Variants in DTNB observed in about 807,000 individuals in gnomAD.
The protein encoded by DTNB is DTN-B.
A neutral mutation model predicts 90.7 loss-of-function variants in DTNB; 63 were observed. The observed-to-expected ratio is 0.69, with a 90% confidence interval of 0.57 to 0.86. The LOEUF (loss-of-function observed/expected upper bound fraction) is 0.86, where lower values mean the gene tolerates loss of function less well. Among genes scored for constraint, DTNB ranks in the 40% least tolerant of loss-of-function variants. The pLI, the probability that DTNB is intolerant of heterozygous loss-of-function variation, is 0.00. For missense variants in DTNB, 744 were observed against 807.1 expected (o/e 0.92, Z 0.95); for synonymous variants, 277 against 286.7 (o/e 0.97, Z 0.34).
chr2:25,478,880 C>A (rs926497752), intron 10 of DTNB, among the ~76,000 whole-genome samples: 8 of 152,178 alleles, frequency 5.3e-5, no homozygotes, highest in Non-Finnish European at 1.0e-4. Context: ...GTGTCTGCAA[C>A]CATCGGCAGC....
At chr2:25,544,828 A>G (rs188599485) in intron 8 of DTNB, among the ~76,000 whole-genome samples, 95 of 152,292 alleles carry the variant, frequency 6.2e-4, no homozygotes, top group Middle Eastern at 6.8e-3. Context: ...ACATTTATCA[A>G]TTCCACTTTG....
At chr2:25,609,648 A>C in intron 4 of DTNB, among the ~76,000 whole-genome samples, 1 of 136,268 alleles carries the variant, frequency 7.3e-6, no homozygotes, top group Non-Finnish European at 1.5e-5. Context: ...ACATTTCCAT[A>C]ATAGAATGTA....
intron 11 of DTNB, among the ~76,000 whole-genome samples, chr2:25,453,480 A>AC (rs2059567432): frequency 1.3e-5 from 2 of 152,314 alleles, no homozygotes; most frequent in South Asian, 4.2e-4. Context: ...TCACTCACTC[A>AC]TCATGTTCTC....
chr2:25,549,113 T>C (rs572459032), intron 8 of DTNB, among the ~76,000 whole-genome samples: 4 of 152,170 alleles, frequency 2.6e-5, no homozygotes, highest in African/African-American at 7.2e-5. Flanking sequence ...TCCTCTAACA[T>C]AGCACCTAAG....
At chr2:25,548,559 C>T (rs768462192) in intron 8 of DTNB, among the ~76,000 whole-genome samples, 6 of 151,922 alleles carry the variant, frequency 3.9e-5, no homozygotes, top group Non-Finnish European at 2.9e-5. Context: ...AGAGCAAGTG[C>T]GAGGCCCTAA....
At chr2:25,420,467 A>T (rs376262381) in intron 15 of DTNB, among the ~76,000 whole-genome samples, 78 of 145,624 alleles carry the variant, frequency 5.4e-4, no homozygotes, top group Admixed American at 1.1e-3. Context: ...CATCTAAATC[A>T]ATCTATCTAT....
At chr2:25,447,087 CTTTT>C (rs891450515) in intron 12 of DTNB, among the ~76,000 whole-genome samples, 1 of 152,076 alleles carries the variant, frequency 6.6e-6, no homozygotes, top group African/African-American at 2.4e-5. Context: ...CAACTTTGTT[CTTTT>C]AAGACAGTAT....
intron 4 of DTNB, among the ~76,000 whole-genome samples, chr2:25,612,329 T>C (rs1245572551): frequency 6.6e-6 from 1 of 152,154 alleles, no homozygotes. Context: ...ATAATATATT[T>C]GTTTGCATAT....
At chr2:25,401,662 C>G (rs1313534202) in intron 16 of DTNB, among the ~76,000 whole-genome samples, 1 of 152,344 alleles carries the variant, frequency 6.6e-6, no homozygotes, top group Non-Finnish European at 1.5e-5. Context: ...TCCTGGCACA[C>G]ATTATAGTCA....
intron 9 of DTNB, among the ~76,000 whole-genome samples, chr2:25,485,598 C>T (rs2065949989): frequency 6.6e-6 from 1 of 152,124 alleles, no homozygotes. Context: ...AACTGACCCC[C>T]AAATGTCATA....
At chr2:25,512,854 G>A (rs1176336266) in intron 9 of DTNB, among the ~76,000 whole-genome samples, 1 of 152,192 alleles carries the variant, frequency 6.6e-6, no homozygotes, top group Non-Finnish European at 1.5e-5. Context: ...GCAGAGCAGA[G>A]GCTTTGTCCT....
chr2:25,444,884 A>G (rs1429596191), intron 12 of DTNB, among the ~76,000 whole-genome samples: 1 of 152,224 alleles, frequency 6.6e-6, no homozygotes, highest in Admixed American at 6.5e-5. Context: ...ACAGAACTCT[A>G]GTCAAGAAGA....
intron 8 of DTNB, among the ~76,000 whole-genome samples, chr2:25,535,828 TTCC>T (rs1311567146): frequency 8.0e-6 from 1 of 124,248 alleles, no homozygotes; most frequent in African/African-American, 3.2e-5. Context: ...TGCTCCTCAC[TTCC>T]TCCCAAACGG....
At chr2:25,388,626 G>T (rs944578249) in intron 16 of DTNB, 2 of 433,166 alleles carry the variant, frequency 4.6e-6, no homozygotes, top group African/African-American at 2.0e-5. Flanking sequence ...GGCTGGCACA[G>T]AGTGGTGGAG....
chr2:25,530,017 AT>A (rs1312599015), intron 9 of DTNB, among the ~76,000 whole-genome samples: 1 of 152,212 alleles, frequency 6.6e-6, no homozygotes, highest in Non-Finnish European at 1.5e-5. Context: ...AGTTTTTAAA[AT>A]ATTATTTAAA....
chr2:25,608,329 T>C (rs889928761), intron 4 of DTNB, among the ~76,000 whole-genome samples: 4 of 152,096 alleles, frequency 2.6e-5, no homozygotes, highest in Admixed American at 2.6e-4. Context: ...AGATCACACC[T>C]GAAAAAAGGC....
chr2:25,452,201 A>G (rs2059384559), intron 11 of DTNB, among the ~76,000 whole-genome samples: 1 of 152,142 alleles, frequency 6.6e-6, no homozygotes, highest in African/African-American at 2.4e-5. Flanking sequence ...TCTTGGAGTT[A>G]ATTAGTTTAA....
In DTNB at chr2:25,392,847, A is replaced by G. The variant is rs535125236; in HGVS notation, c.1576-4486T>C. Among the ~76,000 whole-genome samples the G allele has an allele frequency of 2.6e-5, 4 of 152,324 alleles. No homozygotes were observed. In the East Asian group the frequency reaches 7.7e-4, roughly 29 times the overall value. ...AAGAATTGGTACCAATCCTACTGACACTATTGCAAAAGATAGAAAAAGAGG... is the reference window on the plus strand; with the variant it reads ...AAGAATTGGTACCAATCCTACTGACGCTATTGCAAAAGATAGAAAAAGAGG... On this transcript the variant is annotated intron_variant, in intron 16 of 20. Transcript: ENST00000406818.
chr2:25,518,149 G>A (rs779812087), intron 9 of DTNB, among the ~76,000 whole-genome samples: 5 of 152,032 alleles, frequency 3.3e-5, no homozygotes, highest in Admixed American at 2.0e-4. Flanking sequence ...TTACTGAACT[G>A]TACGCTTAAA....
Sources: allele counts gnomAD v4.1 joint callset (sites outside exome capture counted in the v4.1 genomes callset), GRCh38; gene constraint gnomAD v4.1.1; transcripts MANE v1.5; gene names NCBI Gene and HGNC (gene_info 2026-07-23, HGNC 2026-07-21).